The following CTNNA2 variants were observed in gnomAD, a reference collection of about 807,000 sequenced individuals.
The protein encoded by CTNNA2 is catenin alpha-2.
A neutral mutation model predicts 101.0 loss-of-function variants in CTNNA2; 42 were observed. That is an observed-to-expected ratio of 0.42 (90% confidence interval 0.32 to 0.54). The LOEUF (loss-of-function observed/expected upper bound fraction) is 0.54. Among genes scored for constraint, CTNNA2 ranks in the 20% least tolerant of loss-of-function variants. The pLI is 0.14. For missense variants in CTNNA2, 871 were observed against 1,223.1 expected (o/e 0.71, Z 4.29); for synonymous variants, 450 against 456.4 (o/e 0.99, Z 0.18).
chr2:80,125,366 A>G (rs1702055173), intron 7 of CTNNA2, among the ~76,000 whole-genome samples: 1 of 152,020 alleles, frequency 6.6e-6, no homozygotes, highest in South Asian at 2.1e-4. Context: ...CAGTCTGGGG[A>G]CCTACGAAGA....
chr2:80,414,191 A>G (rs1190669921), intron 8 of CTNNA2, among the ~76,000 whole-genome samples: 1 of 152,204 alleles, frequency 6.6e-6, no homozygotes, highest in African/African-American at 2.4e-5. Context: ...TACTTGGAGC[A>G]CTGTGTTGAA....
At chr2:80,232,146 A>G (rs980323073) in intron 7 of CTNNA2, among the ~76,000 whole-genome samples, 2 of 152,124 alleles carry the variant, frequency 1.3e-5, no homozygotes, top group African/African-American at 4.8e-5. Flanking sequence ...GACCAAACCA[A>G]TGTATACGTC....
chr2:79,372,570 G>A (rs1293046011), intron 3 of CTNNA2, among the ~76,000 whole-genome samples: 1 of 152,156 alleles, frequency 6.6e-6, no homozygotes, highest in Non-Finnish European at 1.5e-5. Flanking sequence ...AGATTCCTGT[G>A]CAGGAGAGAA....
intron 7 of CTNNA2, among the ~76,000 whole-genome samples, chr2:80,363,004 C>CAAAAAAAAAAAAAAAAAAATAAAAAA (rs35779761): frequency 8.7e-6 from 1 of 114,460 alleles, no homozygotes; most frequent in Non-Finnish European, 2.1e-5. Flanking sequence ...GACATCGTCT[C>CAAAAAAAAAAAAAAAAAAATAAAAAA]AAAAAAAAAA....
rs1402669800 is a variant in CTNNA2, at chr2:80,059,620, A to G, written c.1056+149823A>G. Among the ~76,000 whole-genome samples the G allele has an allele frequency of 2.6e-5, 4 of 152,256 alleles. No homozygotes were observed. The East Asian group carries it at 7.7e-4, about 29-fold the overall frequency. ...TAATGATTCTGAGAGATTCAAAGCCATTTCTCCCCATCAGCGTGTGAGCCT... is the reference window on the plus strand; with the variant it reads ...TAATGATTCTGAGAGATTCAAAGCCGTTTCTCCCCATCAGCGTGTGAGCCT... On this transcript the variant is annotated intron_variant, in intron 7 of 18. Transcript: ENST00000402739.
chr2:79,230,182 T>C (rs1299159813), intron 2 of CTNNA2, among the ~76,000 whole-genome samples: 1 of 152,116 alleles, frequency 6.6e-6, no homozygotes, highest in African/African-American at 2.4e-5. Flanking sequence ...ATGGGGAAAA[T>C]GTCTCCAGGG....
At position 80,452,234 on chromosome 2, in the gene CTNNA2, C is replaced by T. The variant is rs187482863; in HGVS notation, c.1290+32633C>T. Among the ~76,000 whole-genome samples the T allele has an allele frequency of 5.4e-5, 8 of 147,274 alleles. No individual in the cohort carries two copies. In the East Asian group the frequency reaches 1.5e-3, roughly 28 times the overall value. On this transcript the variant is annotated intron_variant, in intron 9 of 18. Coordinates refer to ENST00000402739, the MANE Select transcript of CTNNA2 (RefSeq NM_001282597.3). Reference sequence around the variant, plus strand: ...ATTCACAGCTAGGTTTATTTAACTTCAGAGCCTGTTTACAGCTGTTGTGAT... The same window carrying T: ...ATTCACAGCTAGGTTTATTTAACTTTAGAGCCTGTTTACAGCTGTTGTGAT...
At position 80,647,808 on chromosome 2, in the gene CTNNA2, C is replaced by T. The variant is rs752321444; in HGVS notation, c.2798C>T (p.Ser933Phe). Reference sequence around the variant, plus strand: ...TTCCAGACACGAGTTCGACGAGGTTCTCAGAAGAAACACATTTCGCCTGTA... The same window carrying T: ...TTCCAGACACGAGTTCGACGAGGTTTTCAGAAGAAACACATTTCGCCTGTA... ...EEFQTRVRRG[S>F]QKKHISPVQA... Residue 933 changes from serine to phenylalanine, a missense_variant, in exon 19 of 19, where the codon TCT becomes TTT. Ser to Phe is a radical substitution (Grantham distance 155). This residue lies in a region of CTNNA2 where 41 missense variants were observed against 45.1 expected (regional missense o/e 0.91). Transcript: ENST00000402739. 6.2e-7 allele frequency: 1 copy of T among 1,613,568 alleles called. No individual in the cohort carries two copies. Among genetic ancestry groups the T allele is most frequent in the Non-Finnish European group, 8.5e-7 (1 of 1,179,602 alleles).
At chr2:80,267,829 G>A (rs1673130312) in intron 7 of CTNNA2, among the ~76,000 whole-genome samples, 1 of 152,196 alleles carries the variant, frequency 6.6e-6, no homozygotes, top group South Asian at 2.1e-4. Flanking sequence ...GAGGATGAGA[G>A]TCTAAGGGGA....
At chr2:80,332,386 A>G (rs1366228637) in intron 7 of CTNNA2, among the ~76,000 whole-genome samples, 2 of 152,146 alleles carry the variant, frequency 1.3e-5, no homozygotes, top group African/African-American at 2.4e-5. Flanking sequence ...TTTCAGGTGT[A>G]GGTCATGCTG....
At chr2:79,752,274 C>A (rs1028201370) in intron 3 of CTNNA2, among the ~76,000 whole-genome samples, 7 of 152,024 alleles carry the variant, frequency 4.6e-5, no homozygotes, top group African/African-American at 1.7e-4. Context: ...GAAAAATATC[C>A]AGCGAACAAA....
intron 7 of CTNNA2, among the ~76,000 whole-genome samples, chr2:80,080,290 A>G (rs2148801059): frequency 6.6e-6 from 1 of 152,350 alleles, no homozygotes; most frequent in East Asian, 1.9e-4. Context: ...TGAAGCTGCC[A>G]TACTCAAGAC....
chr2:79,469,177 TAAA>T (rs1248195526), intron 4 of CTNNA2, among the ~76,000 whole-genome samples: 1 of 151,922 alleles, frequency 6.6e-6, no homozygotes, highest in Non-Finnish European at 1.5e-5. Context: ...ATAGATGCAC[TAAA>T]AAATGATAAA....
chr2:80,426,051 A>G (rs1009988781), intron 9 of CTNNA2, among the ~76,000 whole-genome samples: 2 of 152,182 alleles, frequency 1.3e-5, no homozygotes, highest in African/African-American at 4.8e-5. Flanking sequence ...TAAAGTCACT[A>G]TAGGAAGTAT....
At chr2:79,284,518 C>G (rs992128515) in intron 2 of CTNNA2, among the ~76,000 whole-genome samples, 4 of 151,696 alleles carry the variant, frequency 2.6e-5, no homozygotes, top group Non-Finnish European at 5.9e-5. Flanking sequence ...TTGAGATAAT[C>G]ATGTGGTTTT....
intron 4 of CTNNA2, among the ~76,000 whole-genome samples, chr2:79,411,235 T>C (rs191253010): frequency 6.6e-6 from 1 of 152,030 alleles, no homozygotes; most frequent in Non-Finnish European, 1.5e-5. Context: ...ATTTTGATGA[T>C]CCTTTCAAAA....
chr2:80,487,110 G>A (rs191880946), intron 9 of CTNNA2, among the ~76,000 whole-genome samples: 81 of 151,718 alleles, frequency 5.3e-4, no homozygotes, highest in Non-Finnish European at 1.1e-3. Context: ...ACCAAACCCC[G>A]TCTCTACTAA....
chr2:80,516,527 AG>A (rs1260562649), intron 9 of CTNNA2, among the ~76,000 whole-genome samples: 4 of 152,122 alleles, frequency 2.6e-5, no homozygotes, highest in Non-Finnish European at 5.9e-5. Context: ...ACTCTGGCTG[AG>A]GGGAGGAGGT....
In CTNNA2 at chr2:80,528,338, A is replaced by G. The variant is rs371839353; in HGVS notation, c.1291-16644A>G. 1.1e-4 allele frequency among the ~76,000 whole-genome samples: 16 copies of G among 152,248 alleles called. 1 individual carries two copies. In the East Asian group the frequency reaches 2.5e-3, roughly 24 times the overall value. ...CAGCCTCCTGAGTAGCTGGGACTAC[A>G]GGCACTCACCACCATGCCTGGCTAA... On this transcript the variant is annotated intron_variant, in intron 9 of 18. Transcript: ENST00000402739.
Sources: gnomAD v4.1 joint callset for allele counts (sites outside exome capture counted in the v4.1 genomes callset) on GRCh38, gnomAD v4.1.1 for gene constraint, gnomAD v4.1.1 regional missense constraint, MANE v1.5 for transcripts, NCBI Gene and HGNC (gene_info 2026-07-23, HGNC 2026-07-21) for gene names.